RIN3: variants seen among roughly 807,000 people sequenced by gnomAD.
RIN3 encodes RAB5 interacting protein 3.
Under a neutral mutation model 76.3 loss-of-function variants are expected in RIN3, and 54 were observed. The ratio of observed to expected loss-of-function variants is 0.71; its 90% CI spans 0.57 to 0.89. RIN3 has a LOEUF of 0.89. Ranked by LOEUF, RIN3 falls within the 40% of genes least tolerant of loss-of-function variation. The probability of loss-of-function intolerance (pLI) is 0.00; values close to 1 mark genes in which losing one functional copy is unlikely to be tolerated. For missense variants in RIN3, 1,256 were observed against 1,322.1 expected, an observed-to-expected ratio of 0.95 and a Z score of 0.78; for synonymous variants, 576 against 564.0, an observed-to-expected ratio of 1.02 and a Z score of -0.30.
At chr14:92,530,104 A>G (rs767404121) in intron 1 of RIN3, among the ~76,000 whole-genome samples, 6 of 152,328 alleles carry the variant, frequency 3.9e-5, no homozygotes, top group African/African-American at 4.8e-5. Flanking sequence ...AGAATCAACT[A>G]TATCTTCCTC....
At chr14:92,654,455 T>C (rs1316994681) in intron 6 of RIN3, among the ~76,000 whole-genome samples, 3 of 152,214 alleles carry the variant, frequency 2.0e-5, no homozygotes, top group Non-Finnish European at 4.4e-5. Context: ...CTGGCGTCCC[T>C]AAGCCTCTCC....
intron 7 of RIN3, among the ~76,000 whole-genome samples, chr14:92,674,917 G>A (rs1283150476): frequency 1.4e-5 from 2 of 148,020 alleles, no homozygotes; most frequent in Non-Finnish European, 1.5e-5. Context: ...GGAAAAGAAA[G>A]TTGCCTCCTC....
Position 92,615,292 on chromosome 14 carries a change from G to A in RIN3, c.368-115G>A. On this transcript the variant is annotated intron_variant, in intron 3 of 9. Transcript: ENST00000216487. ...TGGGGGCCGCATGCAGCCCAGCATG[G>A]GACCCAGAATGTGTGCAGCAGACAC... 6 of 830,604 alleles carry A rather than the reference G, an allele frequency of 7.2e-6. No individual in the cohort carries two copies. In the South Asian group the frequency reaches 8.5e-5, roughly 12 times the overall value. 51.5% of individuals were successfully genotyped at this position (830,604 alleles called of 1,614,324 possible).
Position 92,676,511 on chromosome 14 carries a change from T to C in RIN3, c.2372T>C (p.Leu791Pro). The part of the protein sequence containing the change: ...PYGADDFLPV[L>P]MYVLARSNLT... ...GGGGCGGATGACTTCCTGCCTGTGC[T>C]CATGTATGTGCTGGCCCGCAGCAAC... Residue 791 changes from leucine (L) to proline (P), a missense_variant, in exon 8 of 10, where the codon CTC (leucine) becomes CCC (proline). By Grantham distance (98) the Leu-to-Pro change is moderately conservative. This residue lies in a region of RIN3 where 428 missense variants were observed against 521.2 expected (regional missense o/e 0.82). Transcript: ENST00000216487. The C allele has an allele frequency of 6.2e-7, 1 of 1,614,164 alleles. No individual in the cohort carries two copies. The highest frequency in any genetic ancestry group is 8.5e-7 in the Non-Finnish European group (1 of 1,180,006).
chr14:92,550,434 G>A (rs1339590101), intron 1 of RIN3, among the ~76,000 whole-genome samples: 1 of 151,796 alleles, frequency 6.6e-6, no homozygotes, highest in Non-Finnish European at 1.5e-5. Flanking sequence ...TTCATTTTGA[G>A]ACAGGGTCTT....
At chr14:92,641,498 G>A (rs1887013505) in intron 5 of RIN3, among the ~76,000 whole-genome samples, 169 bp downstream of exon 5, 1 of 152,192 alleles carries the variant, frequency 6.6e-6, no homozygotes, top group African/African-American at 2.4e-5. Context: ...AGATTGTCCA[G>A]TTTCTAAAGA....
At chr14:92,538,343 T>C (rs1483781555) in intron 1 of RIN3, among the ~76,000 whole-genome samples, 1 of 152,230 alleles carries the variant, frequency 6.6e-6, no homozygotes, top group Non-Finnish European at 1.5e-5. Flanking sequence ...TTGCTTTCTT[T>C]ATAGGTAAAA....
At chr14:92,625,677 C>T (rs1340728847) in intron 4 of RIN3, among the ~76,000 whole-genome samples, 1 of 152,158 alleles carries the variant, frequency 6.6e-6, no homozygotes, top group Non-Finnish European at 1.5e-5. Flanking sequence ...GACCTTGCTC[C>T]CCCATACTCT....
chr14:92,681,190 C>T lies in RIN3; in HGVS notation c.2468-3797C>T, dbSNP rs531783020. ...AGGGGCAGTGGGTTTTTCCAATCAACGCATTCGCCCCAGAGAGAAAAGCCT... is the reference window on the plus strand; with the variant it reads ...AGGGGCAGTGGGTTTTTCCAATCAATGCATTCGCCCCAGAGAGAAAAGCCT... On this transcript the variant is annotated intron_variant, in intron 8 of 9. Coordinates refer to ENST00000216487, the MANE Select transcript of RIN3 (RefSeq NM_024832.5). The surrounding 1 kb of genome is among the most constrained non-coding windows in gnomAD (Gnocchi z 4.7). 2.0e-5 allele frequency among the ~76,000 whole-genome samples: 3 copies of T among 152,312 alleles called. No individual in the cohort carries two copies. Among genetic ancestry groups the T allele is most frequent in the East Asian group, 1.9e-4 (1 of 5,178 alleles).
intron 3 of RIN3, among the ~76,000 whole-genome samples, chr14:92,614,205 G>A (rs1885863448): frequency 6.6e-6 from 1 of 152,196 alleles, no homozygotes; most frequent in African/African-American, 2.4e-5. Context: ...CATCAGGGTA[G>A]CCCTCGCCCT....
intron 1 of RIN3, among the ~76,000 whole-genome samples, chr14:92,533,995 G>A (rs914282968): frequency 3.9e-5 from 6 of 152,092 alleles, no homozygotes; most frequent in African/African-American, 1.4e-4. Flanking sequence ...AATTCTATTG[G>A]ATAGCACTGG....
Position 92,587,985 on chromosome 14 carries a change from G to C in RIN3, c.367+10508G>C, listed in dbSNP as rs745510323. On this transcript the variant is annotated intron_variant, in intron 3 of 9. Transcript: ENST00000216487. ...TGATCCAAGATGGCTCCTTGAAGCT[G>C]TGTTCTCTGGAGACGAGGGATGCTA... 9.7e-4 allele frequency among the ~76,000 whole-genome samples: 147 copies of C among 152,282 alleles called. 1 individual carries two copies. Among genetic ancestry groups the C allele is most frequent in the Non-Finnish European group, 1.8e-3 (120 of 68,024 alleles).
intron 2 of RIN3, among the ~76,000 whole-genome samples, chr14:92,560,867 A>G (rs1311548016): frequency 6.6e-6 from 1 of 150,462 alleles, no homozygotes; most frequent in East Asian, 2.0e-4. Context: ...AAAAATACAA[A>G]AAATTAGCCA....
intron 2 of RIN3, among the ~76,000 whole-genome samples, chr14:92,576,759 G>A (rs1898251344): frequency 6.6e-6 from 1 of 152,194 alleles, no homozygotes; most frequent in Non-Finnish European, 1.5e-5. Flanking sequence ...GTGATGGAGA[G>A]GATAGAGCAA....
In RIN3 at chr14:92,623,788, A is replaced by G. The variant is rs554858512; in HGVS notation, c.440+8309A>G. On this transcript the variant is annotated intron_variant, in intron 4 of 9. Coordinates refer to ENST00000216487, the MANE Select transcript of RIN3 (RefSeq NM_024832.5). This position sits in a 1 kb window ranked among gnomAD's most constrained non-coding sequence, Gnocchi z 4.9. Reference sequence around the variant, plus strand: ...GATTGGTAAGCTCTTGGAAAGACTTAAGCTCACTGCATCCCTTTAGGTCCC... The same window carrying G: ...GATTGGTAAGCTCTTGGAAAGACTTGAGCTCACTGCATCCCTTTAGGTCCC... Among the ~76,000 whole-genome samples, 29 of 152,376 alleles carry G rather than the reference A, an allele frequency of 1.9e-4. No homozygotes were observed. The South Asian group carries it at 3.7e-3, about 20-fold the overall frequency.
rs1213798562 is a variant in RIN3 at position 92,679,565 on chromosome 14, T to A, written c.2467+2959T>A. Among the ~76,000 whole-genome samples the A allele has an allele frequency of 2.6e-5, 4 of 152,134 alleles. No homozygotes were observed. The South Asian group carries it at 8.3e-4, about 32-fold the overall frequency. On this transcript the variant is annotated intron_variant, in intron 8 of 9. Coordinates refer to ENST00000216487, the MANE Select transcript of RIN3 (RefSeq NM_024832.5). ...CAACAGCCTGGACACTTCATCTCAATGGATCTGGGTCCCAGGGCAGAGGGG... is the reference window on the plus strand; with the variant it reads ...CAACAGCCTGGACACTTCATCTCAAAGGATCTGGGTCCCAGGGCAGAGGGG...
chr14:92,552,243 G>A (rs1016092378), intron 1 of RIN3, among the ~76,000 whole-genome samples: 7 of 152,226 alleles, frequency 4.6e-5, no homozygotes, highest in South Asian at 2.1e-4. Context: ...GCCTGGGGCA[G>A]AGTTTCCACT....
chr14:92,637,430 A>G (rs1405820104), intron 4 of RIN3, among the ~76,000 whole-genome samples: 1 of 152,152 alleles, frequency 6.6e-6, no homozygotes, highest in Middle Eastern at 3.2e-3. Context: ...GTCAAGACAG[A>G]TGAAGCTTTG....
intron 2 of RIN3, among the ~76,000 whole-genome samples, chr14:92,570,250 C>T (rs1163002299): frequency 6.6e-6 from 1 of 152,210 alleles, no homozygotes; most frequent in Non-Finnish European, 1.5e-5. Context: ...CTGGCTCCTG[C>T]TCTGCCTTTC....
Sources: allele counts gnomAD v4.1 joint callset (sites outside exome capture counted in the v4.1 genomes callset), GRCh38; gene constraint gnomAD v4.1.1; regional missense constraint gnomAD v4.1.1; non-coding constraint Gnocchi (gnomAD v3.1); transcripts MANE v1.5; gene names NCBI Gene and HGNC (gene_info 2026-07-23, HGNC 2026-07-21).